Variants in LPA observed in about 807,000 individuals in gnomAD.
LPA encodes the protein lipoprotein(a).
A neutral mutation model predicts 197.9 loss-of-function variants in LPA; 199 were observed. The observed-to-expected ratio is 1.01, with a 90% CI of 0.90 to 1.13. The LOEUF is 1.13. Among genes scored for constraint, LPA ranks in the 50% most tolerant of loss-of-function variants. LPA has a pLI of 0.00. For synonymous variants in LPA, 715 were observed against 639.5 expected (o/e 1.12, Z -1.78); for missense variants, 1,853 against 1,785.8 (o/e 1.04, Z -0.68).
chr6:160,660,330 C>G (rs775169461), intron 1 of LPA, among the ~76,000 whole-genome samples: 9 of 152,170 alleles, frequency 5.9e-5, no homozygotes, highest in South Asian at 2.1e-4. Context: ...GGTATTCCCC[C>G]TCCTCCACTC....
intron 33 of LPA, among the ~76,000 whole-genome samples, chr6:160,543,557 G>C (rs564342177): frequency 6.6e-6 from 1 of 152,202 alleles, no homozygotes; most frequent in Non-Finnish European, 1.5e-5. Context: ...TTCATTTGCT[G>C]TGGGTTGTTT....
At chr6:160,561,849 T>G (rs1407366634) in intron 28 of LPA, among the ~76,000 whole-genome samples, 1 of 152,226 alleles carries the variant, frequency 6.6e-6, no homozygotes, top group Non-Finnish European at 1.5e-5. Context: ...GAATGGGAAT[T>G]CACTCAGGAT....
chr6:160,604,689 C>A (rs1396824818), intron 18 of LPA, among the ~76,000 whole-genome samples: 4 of 152,134 alleles, frequency 2.6e-5, no homozygotes, highest in African/African-American at 7.2e-5. Flanking sequence ...ACCTTCACTT[C>A]AGGAATTGGA....
intron 26 of LPA, 24 bp from the exon 27 acceptor site, chr6:160,578,728 G>A: frequency 6.2e-7 from 1 of 1,613,562 alleles, no homozygotes. Context: ...AACAACACAG[G>A]TCACCAGAGA....
rs138103927 is a variant in LPA, at chr6:160,592,654, G to A, written c.3629+1304C>T. Among the ~76,000 whole-genome samples, 10 of 152,248 alleles carry A rather than the reference G, an allele frequency of 6.6e-5. No homozygotes were observed. The East Asian group carries it at 9.7e-4, about 15-fold the overall frequency. ...TCATATAACTGAGAAACTTGTATTC[G>A]TTCCTTACCTCTAAGGAGGGTTGAG... On this transcript the variant is annotated intron_variant, in intron 22 of 38. Transcript: ENST00000316300.
chr6:160,545,576 G>A (rs1778055755), intron 32 of LPA, 43 bp from the exon 33 acceptor site: 2 of 1,144,064 alleles, frequency 1.7e-6, no homozygotes, highest in East Asian at 2.3e-5. Flanking sequence ...ACGTGGAGCA[G>A]GAGAGGGAGA....
chr6:160,651,327 A>G (rs1205878034), intron 1 of LPA, among the ~76,000 whole-genome samples: 1 of 152,244 alleles, frequency 6.6e-6, no homozygotes, highest in East Asian at 1.9e-4. Flanking sequence ...TCTGTAGTGC[A>G]GGCATGCAGT....
chr6:160,577,551 G>A (rs758778755), intron 27 of LPA, among the ~76,000 whole-genome samples: 4 of 152,128 alleles, frequency 2.6e-5, no homozygotes, highest in Non-Finnish European at 4.4e-5. Flanking sequence ...ACATTCATGT[G>A]CAGCTCCATC....
intron 28 of LPA, among the ~76,000 whole-genome samples, chr6:160,562,784 G>A (rs1247239491): frequency 6.6e-6 from 1 of 152,068 alleles, no homozygotes; most frequent in African/African-American, 2.4e-5. Flanking sequence ...CTTCTTCCTG[G>A]TTTAGTCTTG....
intron 4 of LPA, among the ~76,000 whole-genome samples, chr6:160,643,119 T>A: frequency 6.7e-6 from 1 of 149,278 alleles, no homozygotes; most frequent in African/African-American, 2.4e-5. Flanking sequence ...TGTGTGTAGC[T>A]CATTCTGTAG....
intron 30 of LPA, among the ~76,000 whole-genome samples, chr6:160,553,392 T>A (rs1778196639): frequency 6.6e-6 from 1 of 152,194 alleles, no homozygotes; most frequent in Non-Finnish European, 1.5e-5. Flanking sequence ...TCTTTTGTTT[T>A]TTTGCTTGTT....
chr6:160,556,812 C>T (rs528034043), intron 29 of LPA, among the ~76,000 whole-genome samples: 14 of 152,226 alleles, frequency 9.2e-5, no homozygotes, highest in South Asian at 6.2e-4. Flanking sequence ...CAAAGATGCA[C>T]GTTCCATGAG....
intron 26 of LPA, among the ~76,000 whole-genome samples, chr6:160,581,915 T>C (rs1441893329): frequency 6.6e-6 from 1 of 152,174 alleles, no homozygotes; most frequent in African/African-American, 2.4e-5. Flanking sequence ...CTTTTGCATA[T>C]TGTGTTAAAT....
intron 37 of LPA, among the ~76,000 whole-genome samples, chr6:160,535,585 T>C (rs895738452): frequency 1.1e-5 from 1 of 87,614 alleles, no homozygotes; most frequent in Non-Finnish European, 2.5e-5. Flanking sequence ...GTGGTGGTGA[T>C]GGTGATGGTG....
chr6:160,650,766 GCT>G (rs1267995631), intron 1 of LPA, among the ~76,000 whole-genome samples: 1 of 152,200 alleles, frequency 6.6e-6, no homozygotes. Flanking sequence ...TCATGTGCAA[GCT>G]CTTTTTTAGA....
At chr6:160,536,919 C>T (rs1472386799) in intron 37 of LPA, among the ~76,000 whole-genome samples, 4 of 152,174 alleles carry the variant, frequency 2.6e-5, no homozygotes, top group Non-Finnish European at 5.9e-5. Flanking sequence ...AAAGCTTATG[C>T]AAAAGGCTGA....
intron 37 of LPA, among the ~76,000 whole-genome samples, chr6:160,534,028 T>C (rs1236487609): frequency 1.3e-5 from 2 of 152,170 alleles, no homozygotes; most frequent in Non-Finnish European, 2.9e-5. Context: ...AGGCTAGAAC[T>C]GAGGCACTCT....
chr6:160,609,807 A>ATG (rs751535270), intron 16 of LPA, among the ~76,000 whole-genome samples: 24 of 151,288 alleles, frequency 1.6e-4, no homozygotes, highest in African/African-American at 5.3e-4. Flanking sequence ...GAGTTTTTGC[A>ATG]TGTGTGTGTG....
chr6:160,590,412 CT>C (rs1430320515), intron 23 of LPA, among the ~76,000 whole-genome samples: 1 of 152,130 alleles, frequency 6.6e-6, no homozygotes, highest in East Asian at 1.9e-4. Flanking sequence ...CAGCACCTGC[CT>C]AAGATTAAGG....
Sources: gnomAD v4.1 joint callset for allele counts (sites outside exome capture counted in the v4.1 genomes callset) on GRCh38, gnomAD v4.1.1 for gene constraint, MANE v1.5 for transcripts, NCBI Gene and HGNC (gene_info 2026-07-23, HGNC 2026-07-21) for gene names.